The following PCDHGA3 variants were observed in gnomAD, a reference collection of about 807,000 sequenced individuals.
The protein encoded by PCDHGA3 is protocadherin gamma-A3.
PCDHGA3 carries 40 observed loss-of-function variants against 58.5 expected under a neutral mutation model. The observed-to-expected ratio is 0.68, with a 90% CI of 0.53 to 0.89. The LOEUF (loss-of-function observed/expected upper bound fraction) is 0.89. Among genes scored for constraint, PCDHGA3 ranks in the 40% least tolerant of loss-of-function variants. PCDHGA3 has a pLI of 0.00. For missense variants in PCDHGA3, 1,223 were observed against 1,195.9 expected, an observed-to-expected ratio of 1.02 and a Z score of -0.33; for synonymous variants, 530 against 525.7, an observed-to-expected ratio of 1.01 and a Z score of -0.11.
rs2099643895 is a variant in PCDHGA3 at position 141,487,385 on chromosome 5, C to T, written c.2425-7422C>T. 1.9e-6 allele frequency: 3 copies of T among 1,614,160 alleles called. No homozygotes were observed. The highest frequency in any genetic ancestry group is 1.1e-5 in the South Asian group (1 of 91,086). On this transcript the variant is annotated intron_variant, in intron 1 of 3. Transcript: ENST00000253812. This position sits in a 1 kb window ranked among gnomAD's most constrained non-coding sequence, Gnocchi z 5.0. Reference sequence around the variant, plus strand: ...CACCTGTGCCTGTCTCACCAGATCTCGAAGGAGGGAGGGGCTTCCCCCTTC... The same window carrying T: ...CACCTGTGCCTGTCTCACCAGATCTTGAAGGAGGGAGGGGCTTCCCCCTTC...
chr5:141,366,750 AG>A, intron 1 of PCDHGA3: 1 of 1,607,760 alleles, frequency 6.2e-7, no homozygotes, highest in East Asian at 2.2e-5. Flanking sequence ...CGGCGAGTTC[AG>A]GTTAGTTTTC....
intron 1 of PCDHGA3, chr5:141,352,001 G>T (rs1036324795): frequency 3.1e-6 from 5 of 1,610,532 alleles, no homozygotes; most frequent in African/African-American, 1.3e-5. Context: ...CGCAGAGCCC[G>T]GCTACCTGGT....
chr5:141,415,278 G>A (rs768587119), intron 1 of PCDHGA3: 4 of 1,614,212 alleles, frequency 2.5e-6, no homozygotes, highest in Non-Finnish European at 3.4e-6. Flanking sequence ...TGGTAGCGGT[G>A]GCCGCGGTCT....
Position 141,490,398 on chromosome 5 carries a change from C to A in PCDHGA3, c.2425-4409C>A. 1 of 1,614,168 alleles carries A rather than the reference C, an allele frequency of 6.2e-7. No homozygotes were observed. Among genetic ancestry groups the A allele is most frequent in the South Asian group, 1.1e-5 (1 of 91,088 alleles). On this transcript the variant is annotated intron_variant, in intron 1 of 3. Coordinates refer to ENST00000253812, the MANE Select transcript of PCDHGA3 (RefSeq NM_018916.4). This position sits in a 1 kb window ranked among gnomAD's most constrained non-coding sequence, Gnocchi z 5.4. ...ACTCAGGTAGAAATGGTGAAGTGAG[C>A]CTTGATATCTCTCCGGACCTGCCAT...
chr5:141,447,848 G>A (rs539844218), intron 1 of PCDHGA3, among the ~76,000 whole-genome samples: 46 of 152,302 alleles, frequency 3.0e-4, no homozygotes, highest in East Asian at 2.7e-3. Context: ...TGCTTTGGGA[G>A]GCCGAGGTGG....
chr5:141,476,416 A>C lies in PCDHGA3; in HGVS notation c.2425-18391A>C, dbSNP rs2099391138. On this transcript the variant is annotated intron_variant, in intron 1 of 3. Coordinates refer to ENST00000253812, the MANE Select transcript of PCDHGA3 (RefSeq NM_018916.4). The surrounding 1 kb of genome is among the most constrained non-coding windows in gnomAD (Gnocchi z 7.6). ...TGGATCGAGAGGAGCTGTGTGGGACACTGCCCTCTTGCACTGTAACTCTGG... is the reference window on the plus strand; with the variant it reads ...TGGATCGAGAGGAGCTGTGTGGGACCCTGCCCTCTTGCACTGTAACTCTGG... 6.2e-7 allele frequency: 1 copy of C among 1,614,056 alleles called. No homozygotes were observed. The highest frequency in any genetic ancestry group is 8.5e-7 in the Non-Finnish European group (1 of 1,179,994).
intron 1 of PCDHGA3, chr5:141,427,247 T>C (rs1409945260): frequency 2.2e-6 from 1 of 456,582 alleles, no homozygotes; most frequent in Non-Finnish European, 4.4e-6. Context: ...AAGCTAAGGA[T>C]GGTGGAGGCA....
rs753233498 is a variant in PCDHGA3, at chr5:141,364,455, G to T, written c.2424+17998G>T. 13 of 1,613,882 alleles carry T rather than the reference G, an allele frequency of 8.1e-6. No homozygotes were observed. In the South Asian group the frequency reaches 1.2e-4, roughly 15 times the overall value. ...TCGATGCCGGAGGAGCTGGACAAAG[G>T]CTCCTTCGTCGGCAACATAGCCAAG... On this transcript the variant is annotated intron_variant, in intron 1 of 3. Coordinates refer to ENST00000253812, the MANE Select transcript of PCDHGA3 (RefSeq NM_018916.4).
chr5:141,441,565 C>T (rs1049476318), intron 1 of PCDHGA3: 62 of 200,838 alleles, frequency 3.1e-4, no homozygotes, highest in African/African-American at 1.4e-3. Context: ...CAAGTAGACA[C>T]CTCCAACCTA....
At chr5:141,465,826 T>A (rs1402342209) in intron 1 of PCDHGA3, among the ~76,000 whole-genome samples, 1 of 151,994 alleles carries the variant, frequency 6.6e-6, no homozygotes, top group Non-Finnish European at 1.5e-5. Context: ...CACATTTGTT[T>A]AAAATTTCAA....
intron 1 of PCDHGA3, chr5:141,383,567 C>A (rs752569196): frequency 6.2e-7 from 1 of 1,613,214 alleles, no homozygotes; most frequent in Non-Finnish European, 8.5e-7. Context: ...CCGCCCCGAT[C>A]CAGCACCGCC....
At chr5:141,364,629 C>T in intron 1 of PCDHGA3, 2 of 1,614,142 alleles carry the variant, frequency 1.2e-6, no homozygotes, top group African/African-American at 1.3e-5. Context: ...GCTCAGAGCC[C>T]ACTGTGTGTG....
At chr5:141,422,611 A>C in intron 1 of PCDHGA3, 3 of 1,613,762 alleles carry the variant, frequency 1.9e-6, no homozygotes, top group Non-Finnish European at 2.5e-6. Flanking sequence ...CTCTGCCTAC[A>C]TTCCCGAAAA....
intron 1 of PCDHGA3, chr5:141,361,370 G>T: frequency 2.5e-6 from 4 of 1,613,942 alleles, no homozygotes; most frequent in Non-Finnish European, 3.4e-6. Flanking sequence ...GCTCTGGACC[G>T]GGAGGAGATC....
intron 1 of PCDHGA3, chr5:141,412,932 T>A: frequency 2.2e-6 from 1 of 453,328 alleles, no homozygotes; most frequent in Non-Finnish European, 3.9e-6. Flanking sequence ...AGTAACTTCT[T>A]AGGACTCTGA....
intron 1 of PCDHGA3, chr5:141,414,845 T>C: frequency 1.2e-6 from 2 of 1,614,218 alleles, no homozygotes; most frequent in South Asian, 1.1e-5. Flanking sequence ...CTGTTTGTGC[T>C]GGACCAGAAC....
At chr5:141,368,236 C>T (rs1444187989) in intron 1 of PCDHGA3, among the ~76,000 whole-genome samples, 1 of 152,160 alleles carries the variant, frequency 6.6e-6, no homozygotes, top group Non-Finnish European at 1.5e-5. Context: ...CTACATTACT[C>T]AACCACATGA....
intron 1 of PCDHGA3, among the ~76,000 whole-genome samples, chr5:141,482,356 G>A (rs1330274684): frequency 6.6e-6 from 1 of 152,118 alleles, no homozygotes; most frequent in Non-Finnish European, 1.5e-5. Flanking sequence ...TGTTGTGAGA[G>A]TGAAAAGTAA....
intron 1 of PCDHGA3, chr5:141,366,784 A>C (rs749444374): frequency 6.3e-7 from 1 of 1,579,152 alleles, no homozygotes; most frequent in Non-Finnish European, 8.6e-7. Context: ...GATGACCAGA[A>C]CATTTTCATT....
Sources: allele counts gnomAD v4.1 joint callset (sites outside exome capture counted in the v4.1 genomes callset), GRCh38; gene constraint gnomAD v4.1.1; non-coding constraint Gnocchi (gnomAD v3.1); transcripts MANE v1.5; gene names NCBI Gene and HGNC (gene_info 2026-07-23, HGNC 2026-07-21).